The following ZFPM2 variants were observed in gnomAD, a reference collection of about 807,000 sequenced individuals.
The protein encoded by ZFPM2 is zinc finger protein, FOG family member 2.
In ZFPM2, 20 loss-of-function variants were observed where a neutral mutation model predicts 98.6. The observed-to-expected ratio is 0.20, with a 90% CI of 0.14 to 0.29. ZFPM2 has a LOEUF of 0.29. ZFPM2 is among the 10% of genes least tolerant of loss of function. The pLI, the probability that ZFPM2 is intolerant of heterozygous loss-of-function variation, is 1.00. For synonymous variants in ZFPM2, 518 were observed against 502.7 expected (o/e 1.03, Z -0.41); for missense variants, 1,310 against 1,388.6 (o/e 0.94, Z 0.90).
intron 5 of ZFPM2, among the ~76,000 whole-genome samples, chr8:105,767,085 T>C (rs927478174): frequency 2.6e-5 from 4 of 151,792 alleles, no homozygotes; most frequent in Non-Finnish European, 5.9e-5. Context: ...AAAGATACAA[T>C]CTCATGATCA....
intron 1 of ZFPM2, among the ~76,000 whole-genome samples, chr8:105,404,012 A>ACAACAACAG (rs1224541825): frequency 1.3e-5 from 2 of 151,206 alleles, no homozygotes; most frequent in Admixed American, 6.6e-5. Context: ...AACAACAACA[A>ACAACAACAG]CAACAACAAC....
At chr8:105,433,388 T>C (rs1812057788) in intron 2 of ZFPM2, among the ~76,000 whole-genome samples, 1 of 152,200 alleles carries the variant, frequency 6.6e-6, no homozygotes, top group Non-Finnish European at 1.5e-5. Flanking sequence ...AATACTTTAA[T>C]TGTGACTTTT....
At chr8:105,398,295 T>G (rs560002808) in intron 1 of ZFPM2, among the ~76,000 whole-genome samples, 8 of 152,312 alleles carry the variant, frequency 5.3e-5, no homozygotes, top group Admixed American at 5.2e-4. Flanking sequence ...TCAGCATTCC[T>G]CTGAAACAGA....
intron 1 of ZFPM2, among the ~76,000 whole-genome samples, chr8:105,400,544 A>C (rs1811319895): frequency 6.6e-6 from 1 of 152,126 alleles, no homozygotes; most frequent in Non-Finnish European, 1.5e-5. Flanking sequence ...ATTTTTTCTA[A>C]CTTTATTGTT....
At chr8:105,342,800 C>A (rs1812453386) in intron 1 of ZFPM2, among the ~76,000 whole-genome samples, 1 of 152,026 alleles carries the variant, frequency 6.6e-6, no homozygotes, top group Non-Finnish European at 1.5e-5. Flanking sequence ...CTTTTACAAA[C>A]TATTATTTGT....
chr8:105,571,834 A>G (rs1394938896), intron 4 of ZFPM2, among the ~76,000 whole-genome samples: 1 of 152,080 alleles, frequency 6.6e-6, no homozygotes, highest in African/African-American at 2.4e-5. Flanking sequence ...TTTTAATCTA[A>G]TTTTCAATAA....
intron 1 of ZFPM2, among the ~76,000 whole-genome samples, chr8:105,321,502 A>G (rs1169841945): frequency 1.3e-5 from 2 of 152,240 alleles, no homozygotes; most frequent in African/African-American, 4.8e-5. Context: ...CTGATAAAAC[A>G]TACCCAATTT....
intron 1 of ZFPM2, among the ~76,000 whole-genome samples, chr8:105,394,878 T>A (rs1028403122): frequency 3.3e-5 from 5 of 152,354 alleles, no homozygotes; most frequent in Admixed American, 2.6e-4. Flanking sequence ...GCATTTGGAA[T>A]CTTGAAACAA....
At chr8:105,781,934 T>G (rs1421621353) in intron 5 of ZFPM2, among the ~76,000 whole-genome samples, 1 of 152,054 alleles carries the variant, frequency 6.6e-6, no homozygotes, top group East Asian at 1.9e-4. Context: ...TGTTACAGAG[T>G]GAACACCAGA....
chr8:105,711,113 C>T (rs1321107889), intron 5 of ZFPM2, among the ~76,000 whole-genome samples: 2 of 151,438 alleles, frequency 1.3e-5, no homozygotes, highest in Non-Finnish European at 2.9e-5. Context: ...TGTGGGCTAA[C>T]GATAGTTTTA....
chr8:105,330,152 A>G (rs1335612928), intron 1 of ZFPM2, among the ~76,000 whole-genome samples: 3 of 151,612 alleles, frequency 2.0e-5, no homozygotes, highest in African/African-American at 7.3e-5. Context: ...CCACTGTGAC[A>G]GAATTGGAAT....
intron 4 of ZFPM2, among the ~76,000 whole-genome samples, chr8:105,598,127 C>T (rs983049825): frequency 6.9e-6 from 1 of 145,868 alleles, no homozygotes; most frequent in Non-Finnish European, 1.5e-5. Flanking sequence ...GCCCAGAATG[C>T]CTTGCAGGGA....
intron 3 of ZFPM2, among the ~76,000 whole-genome samples, chr8:105,475,726 G>T (rs764140951): frequency 1.3e-5 from 2 of 152,136 alleles, no homozygotes; most frequent in Non-Finnish European, 2.9e-5. Context: ...AACAAAATTC[G>T]TCAGCTGTTG....
In ZFPM2 at chr8:105,555,317, A is replaced by G. The variant is rs1345808279; in HGVS notation, c.302-6046A>G. ...CAAAAATATGAACTGGGCAGAGAAG[A>G]ACATTTTTTATTTTTTTATCCCACT... On this transcript the variant is annotated intron_variant, in intron 3 of 7. Transcript: ENST00000407775. Among the ~76,000 whole-genome samples the G allele has an allele frequency of 5.9e-5, 9 of 152,226 alleles. No homozygotes were observed. The East Asian group carries it at 1.5e-3, about 26-fold the overall frequency.
Position 105,798,322 on chromosome 8 carries a change from C to G in ZFPM2, c.740-402C>G, listed in dbSNP as rs555488308. On this transcript the variant is annotated intron_variant, in intron 6 of 7. Transcript: ENST00000407775. ...AAAATTAGCCAGGCGTGGTGGCACT[C>G]ACCTGTAATCCCAGCTACTTGGGAG... The G allele has an allele frequency of 4.5e-5, 7 of 156,972 alleles. No homozygotes were observed. The South Asian group carries it at 5.7e-4, about 13-fold the overall frequency. 9.7% of individuals were successfully genotyped at this position (156,972 alleles called of 1,614,324 possible).
chr8:105,334,250 T>C (rs1197148908), intron 1 of ZFPM2, among the ~76,000 whole-genome samples: 1 of 151,298 alleles, frequency 6.6e-6, no homozygotes, highest in Non-Finnish European at 1.5e-5. Flanking sequence ...GGTTGTGTAG[T>C]TGAGAGGATA....
chr8:105,740,280 G>A (rs1812181425), intron 5 of ZFPM2, among the ~76,000 whole-genome samples: 1 of 151,774 alleles, frequency 6.6e-6, no homozygotes, highest in African/African-American at 2.4e-5. Context: ...GAAGAAGAGA[G>A]GAACAAAAAT....
intron 3 of ZFPM2, among the ~76,000 whole-genome samples, chr8:105,523,864 C>G (rs983344179): frequency 3.7e-4 from 57 of 152,086 alleles, no homozygotes; most frequent in African/African-American, 1.3e-3. Flanking sequence ...TTCAGGCCCC[C>G]CTGTGGTCAA....
At chr8:105,770,566 A>G (rs1812957277) in intron 5 of ZFPM2, among the ~76,000 whole-genome samples, 1 of 152,090 alleles carries the variant, frequency 6.6e-6, no homozygotes, top group Non-Finnish European at 1.5e-5. Flanking sequence ...TGTTTAAACA[A>G]TATTGCACAA....
Sources: gnomAD v4.1 joint callset for allele counts (sites outside exome capture counted in the v4.1 genomes callset) on GRCh38, gnomAD v4.1.1 for gene constraint, MANE v1.5 for transcripts, NCBI Gene and HGNC (gene_info 2026-07-23, HGNC 2026-07-21) for gene names.